Variants in PRLR observed in about 807,000 individuals in gnomAD.
The protein encoded by PRLR is prolactin receptor, also known as hPRL receptor.
A neutral mutation model predicts 40.2 loss-of-function variants in PRLR; 13 were observed. The observed-to-expected ratio is 0.32, with a 90% CI of 0.21 to 0.51. The LOEUF (loss-of-function observed/expected upper bound fraction) is 0.51, where lower values mean the gene tolerates loss of function less well. Among genes scored for constraint, PRLR ranks in the 20% least tolerant of loss-of-function variants. The pLI is 0.97. For missense variants in PRLR, 656 were observed against 747.3 expected (o/e 0.88, Z 1.42); for synonymous variants, 269 against 278.7 (o/e 0.97, Z 0.35).
rs1769291610 is a variant in PRLR at position 35,065,382 on chromosome 5, T to C, written c.1576A>G (p.Lys526Glu). ...NKDGALSLLP[K>E]QRENSGKPKK... ...GGCTTGCCGCTGTTCTCTCTCTGTT[T>C]TGGTAGCAATGATAATGCACCATCT... Residue 526 changes from lysine (K) to glutamate (E), a missense_variant, in exon 10 of 10, where the codon AAA (lysine) becomes GAA (glutamate). Lys to Glu is a moderately conservative substitution (Grantham distance 56, BLOSUM62 1). This residue lies in a region of PRLR where 469 missense variants were observed against 491.5 expected (regional missense o/e 0.95). Coordinates refer to ENST00000618457, the MANE Select transcript of PRLR (RefSeq NM_000949.7). 6.2e-7 allele frequency: 1 copy of C among 1,614,046 alleles called. No individual in the cohort carries two copies. The highest frequency in any genetic ancestry group is 1.7e-5 in the Admixed American group (1 of 60,002).
At chr5:35,139,204 G>A (rs372449327) in intron 1 of PRLR, among the ~76,000 whole-genome samples, 5 of 151,976 alleles carry the variant, frequency 3.3e-5, no homozygotes, top group Non-Finnish European at 7.4e-5. Flanking sequence ...GTGCGATGTC[G>A]GCTCTTTGCA....
At chr5:35,143,459 A>C (rs907936137) in intron 1 of PRLR, among the ~76,000 whole-genome samples, 4 of 152,236 alleles carry the variant, frequency 2.6e-5, no homozygotes, top group Non-Finnish European at 5.9e-5. Context: ...CCCTATCATC[A>C]TGATTGACTC....
At chr5:35,191,151 A>G (rs1299259416) in intron 1 of PRLR, among the ~76,000 whole-genome samples, 1 of 117,710 alleles carries the variant, frequency 8.5e-6, no homozygotes. Flanking sequence ...GCTCACTGCA[A>G]GCTCCGCCTC....
chr5:35,064,995 G>T lies in PRLR; in HGVS notation c.*94C>A, dbSNP rs1010216821. 3.6e-6 allele frequency: 5 copies of T among 1,386,668 alleles called. No homozygotes were observed. Among genetic ancestry groups the T allele is most frequent in the Non-Finnish European group, 4.9e-6 (5 of 1,021,534 alleles). The allele number at this position is 1,386,668 out of a possible 1,614,324, so 85.9% of individuals were successfully genotyped here. On this transcript the variant is annotated 3_prime_UTR_variant, in exon 10 of 10. Coordinates refer to ENST00000618457, the MANE Select transcript of PRLR (RefSeq NM_000949.7). ...GAAAGGAGCTGGGAGCTTTAGTAGT[G>T]TCAGTCTGACTACATTCTTGAGCAT... is the stretch of plus-strand genomic sequence containing the variant.
intron 2 of PRLR, among the ~76,000 whole-genome samples, chr5:35,104,870 A>C (rs1358069943): frequency 2.0e-5 from 3 of 152,198 alleles, no homozygotes; most frequent in Non-Finnish European, 4.4e-5. Context: ...TGAAGAAAGT[A>C]GTGGTTCTCC....
Position 35,065,629 on chromosome 5 carries a change from A to C in PRLR, c.1329T>G (p.Pro443=). The change falls in exon 10 of 10, where the codon CCT becomes CCG. Residue 443 remains proline (P), a synonymous_variant. Coordinates refer to ENST00000618457, the MANE Select transcript of PRLR (RefSeq NM_000949.7). The stretch of plus-strand genomic sequence containing the variant: ...TCAACAGAGTGGCCGGTGCACCTGC[A>C]GGGCCCACAGCCAGCTCACACACAT... ...ITDVCELAVG[P]AGAPATLLNE... 1 of 1,614,090 alleles carries C rather than the reference A, an allele frequency of 6.2e-7. No homozygotes were observed.
intron 1 of PRLR, among the ~76,000 whole-genome samples, chr5:35,118,913 C>T (rs1359599242): frequency 6.6e-6 from 1 of 152,030 alleles, no homozygotes. Flanking sequence ...CACCCGCCCC[C>T]TGCCCCAAGT....
At chr5:35,176,846 T>A (rs1775162768) in intron 1 of PRLR, among the ~76,000 whole-genome samples, 1 of 152,188 alleles carries the variant, frequency 6.6e-6, no homozygotes, top group African/African-American at 2.4e-5. Context: ...GAGGAAGGCA[T>A]GCCTCTTGCA....
intron 1 of PRLR, among the ~76,000 whole-genome samples, chr5:35,156,956 C>T (rs552881381): frequency 6.6e-6 from 1 of 152,134 alleles, no homozygotes; most frequent in Non-Finnish European, 1.5e-5. Flanking sequence ...CTATTTCTCC[C>T]AGGATGTCTC....
At chr5:35,176,541 T>C (rs1775153479) in intron 1 of PRLR, among the ~76,000 whole-genome samples, 1 of 152,240 alleles carries the variant, frequency 6.6e-6, no homozygotes, top group Non-Finnish European at 1.5e-5. Context: ...CTCTGAAACA[T>C]GTGCTGTGTC....
intron 6 of PRLR, 42 bp from the exon 7 acceptor site, chr5:35,070,307 G>C: frequency 1.2e-6 from 2 of 1,604,234 alleles, no homozygotes; most frequent in Non-Finnish European, 1.7e-6. Context: ...TCTAACATTT[G>C]TTGTGAAGAA....
chr5:35,209,863 T>C (rs1266697241), intron 1 of PRLR, among the ~76,000 whole-genome samples: 1 of 152,226 alleles, frequency 6.6e-6, no homozygotes, highest in African/African-American at 2.4e-5. Context: ...TCTGTATAAG[T>C]CTATAGGCAT....
chr5:35,116,504 G>A (rs997785681), intron 2 of PRLR, among the ~76,000 whole-genome samples: 3 of 152,044 alleles, frequency 2.0e-5, no homozygotes, highest in Non-Finnish European at 4.4e-5. Context: ...CAAATTTTCC[G>A]GGAGCTTTGC....
chr5:35,132,766 C>T lies in PRLR; in HGVS notation c.-105-14644G>A, dbSNP rs567615101. ...TGCAATGAGGGACTTTGGGGATTAT[C>T]CAGCTCAACTTCTCATTTGATAGAT... On this transcript the variant is annotated intron_variant, in intron 1 of 9. Coordinates refer to ENST00000618457, the MANE Select transcript of PRLR (RefSeq NM_000949.7). Among the ~76,000 whole-genome samples, 214 of 152,290 alleles carry T rather than the reference C, an allele frequency of 1.4e-3. 1 individual carries two copies. The highest frequency in any genetic ancestry group is 3.4e-3 in the Middle Eastern group (1 of 294).
chr5:35,167,180 T>TCTAC (rs1554053536), intron 1 of PRLR, among the ~76,000 whole-genome samples: 2 of 151,202 alleles, frequency 1.3e-5, no homozygotes, highest in African/African-American at 4.9e-5. Flanking sequence ...TATCTATCTA[T>TCTAC]CTATCTATCA....
At chr5:35,144,414 T>G (rs976577212) in intron 1 of PRLR, among the ~76,000 whole-genome samples, 1 of 152,152 alleles carries the variant, frequency 6.6e-6, no homozygotes, top group African/African-American at 2.4e-5. Flanking sequence ...ATAGGAGGAA[T>G]GTAAAATCAA....
chr5:35,075,828 C>G (rs922387201), intron 5 of PRLR, among the ~76,000 whole-genome samples: 1 of 152,216 alleles, frequency 6.6e-6, no homozygotes, highest in African/African-American at 2.4e-5. Context: ...AGGTGCCCCT[C>G]TGAGATGAAG....
At chr5:35,089,519 A>C (rs759574220) in intron 3 of PRLR, 32 bp downstream of exon 3, 101 of 1,482,094 alleles carry the variant, frequency 6.8e-5, no homozygotes, top group Non-Finnish European at 8.5e-5. Flanking sequence ...CACCCCAGGC[A>C]ATGAAAGAGA....
chr5:35,071,913 CA>C (rs1238200749), intron 6 of PRLR, among the ~76,000 whole-genome samples: 1 of 134,874 alleles, frequency 7.4e-6, no homozygotes, highest in Non-Finnish European at 1.6e-5. Flanking sequence ...TTTTTTTTTC[CA>C]AATGGAGTTT....
Sources: allele counts gnomAD v4.1 joint callset (sites outside exome capture counted in the v4.1 genomes callset), GRCh38; gene constraint gnomAD v4.1.1; regional missense constraint gnomAD v4.1.1; transcripts MANE v1.5; gene names NCBI Gene and HGNC (gene_info 2026-07-23, HGNC 2026-07-21).